The following DBN1 variants were observed in gnomAD, a reference collection of about 807,000 sequenced individuals.
DBN1 encodes the protein drebrin 1, also known as drebrin.
A neutral mutation model predicts 83.5 loss-of-function variants in DBN1; 21 were observed. The observed-to-expected ratio is 0.25, with a 90% CI of 0.18 to 0.36. The LOEUF (loss-of-function observed/expected upper bound fraction) is 0.36. DBN1 is among the 10% of genes least tolerant of loss of function. DBN1 has a pLI of 1.00. For missense variants in DBN1, 874 were observed against 935.7 expected, an observed-to-expected ratio of 0.93 and a Z score of 0.86; for synonymous variants, 381 against 384.9, an observed-to-expected ratio of 0.99 and a Z score of 0.12.
In DBN1 at chr5:177,459,661, C is replaced by A; in HGVS notation, c.1035G>T (p.Arg345=). 6.3e-7 allele frequency: 1 copy of A among 1,588,970 alleles called. No homozygotes were observed. Among genetic ancestry groups the A allele is most frequent in the Non-Finnish European group, 8.6e-7 (1 of 1,168,006 alleles). Residue 345 remains arginine (R), a synonymous_variant, in exon 11 of 15, where the codon CGG becomes CGT. Transcript: ENST00000393565. ...GGCAGGTGATATAGGGAAAGGGAGT[C>A]CGTGGAGGGGAGGAGGAGGAAGAGG... ...SSSSSSSSPP[R]TPFPYITCHR... is the part of the protein sequence containing the mutation.
At chr5:177,458,756 G>A in intron 12 of DBN1, 49 bp from the exon 13 acceptor site, 1 of 1,433,636 alleles carries the variant, frequency 7.0e-7, no homozygotes, top group South Asian at 1.5e-5. Flanking sequence ...CCCTCGGGGA[G>A]GATGGAGACC....
chr5:177,470,745 C>G (rs1321467764), intron 1 of DBN1, among the ~76,000 whole-genome samples: 1 of 152,216 alleles, frequency 6.6e-6, no homozygotes, highest in African/African-American at 2.4e-5. Flanking sequence ...AGCAGCCTCT[C>G]CTGAGCTGCC....
At chr5:177,471,917 G>C (rs766274000) in intron 1 of DBN1, among the ~76,000 whole-genome samples, 10 of 152,032 alleles carry the variant, frequency 6.6e-5, no homozygotes, top group Non-Finnish European at 1.2e-4. Flanking sequence ...CACCCCTCCA[G>C]GCTGGAGGGC....
rs1425736653 is a variant in DBN1 at position 177,460,720 on chromosome 5, C to T, written c.772-17G>A. On this transcript the variant is annotated splice_polypyrimidine_tract_variant and intron_variant, in intron 8 of 14. Coordinates refer to ENST00000393565, the MANE Select transcript of DBN1 (RefSeq NM_001363541.2). ...ATGGTCACCCTAGAAACCAAAGGGACAGTGTCTGGTGCACCTACCCCCCAC... is the reference window on the plus strand; with the variant it reads ...ATGGTCACCCTAGAAACCAAAGGGATAGTGTCTGGTGCACCTACCCCCCAC... 6.2e-7 allele frequency: 1 copy of T among 1,612,940 alleles called. No individual in the cohort carries two copies. The highest frequency in any genetic ancestry group is 8.5e-7 in the Non-Finnish European group (1 of 1,179,554).
chr5:177,468,418 C>T (rs1757620065), intron 2 of DBN1, 198 bp from the exon 3 acceptor site: 1 of 597,372 alleles, frequency 1.7e-6, no homozygotes, highest in South Asian at 2.0e-5. Context: ...TTGCCTGTGA[C>T]TCCTGCAGGG....
At chr5:177,462,391 G>A (rs1479701524) in intron 8 of DBN1, 21 of 985,360 alleles carry the variant, frequency 2.1e-5, no homozygotes, top group Admixed American at 6.2e-5. Context: ...CTGCAGCGTG[G>A]CCACTGCTTC....
At chr5:177,469,743 A>G (rs1400436931) in intron 1 of DBN1, among the ~76,000 whole-genome samples, 2 of 152,224 alleles carry the variant, frequency 1.3e-5, no homozygotes. Context: ...ACCATTGCAC[A>G]GAAGGGAAGG....
intron 8 of DBN1, among the ~76,000 whole-genome samples, chr5:177,463,608 C>T (rs1445617556): frequency 1.3e-5 from 2 of 152,224 alleles, no homozygotes; most frequent in African/African-American, 4.8e-5. Flanking sequence ...CGCATATTCC[C>T]TTCCTTAGAG....
Position 177,467,782 on chromosome 5 carries a change from A to G in DBN1, c.291T>C (p.Ala97=), listed in dbSNP as rs1385021738. The change falls in exon 4 of 15, where the codon GCT becomes GCC. Residue 97 remains alanine, a synonymous_variant. Transcript: ENST00000393565. This position sits in a 1 kb window ranked among gnomAD's most constrained non-coding sequence, Gnocchi z 9.1. The part of the protein sequence containing the change: ...GEDVPDARKC[A]CASHVAKVAE... ...CCACCTTAGCCACGTGGCTGGCACA[A>G]GCGCACTTGCGGGCATCAGGCACAT... The G allele has an allele frequency of 1.3e-6, 2 of 1,556,886 alleles. No homozygotes were observed. The highest frequency in any genetic ancestry group is 1.7e-6 in the Non-Finnish European group (2 of 1,150,294).
intron 8 of DBN1, among the ~76,000 whole-genome samples, chr5:177,461,224 A>C (rs954333293): frequency 2.8e-5 from 4 of 141,256 alleles, no homozygotes; most frequent in Admixed American, 2.2e-4. Flanking sequence ...TCAGCCTCCC[A>C]AGTAGCTGGG....
At chr5:177,468,452 G>GT (rs1026577203) in intron 2 of DBN1, 49 of 576,560 alleles carry the variant, frequency 8.5e-5, no homozygotes, top group African/African-American at 6.7e-4. Context: ...TAGGACTGAG[G>GT]AAGTGTTTGT....
In DBN1 at chr5:177,460,550, T is replaced by A. The variant is rs1306903534; in HGVS notation, c.837A>T (p.Ala279=). 6.2e-7 allele frequency: 1 copy of A among 1,614,038 alleles called. No individual in the cohort carries two copies. The highest frequency in any genetic ancestry group is 1.3e-5 in the African/African-American group (1 of 74,894). The change falls in exon 10 of 15, where the codon GCA becomes GCT. Residue 279 remains alanine (A), a synonymous_variant. Coordinates refer to ENST00000393565, the MANE Select transcript of DBN1 (RefSeq NM_001363541.2). ...CAGGCCGCTGGGCAATAATAGCTGC[T>A]GCCTCCTGAGGGCACGAGGAAAAGG... ...MKKSESEVEE[A]AAIIAQRPDN...
At chr5:177,469,442 A>G (rs928005612) in intron 1 of DBN1, among the ~76,000 whole-genome samples, 2 of 152,034 alleles carry the variant, frequency 1.3e-5, no homozygotes, top group African/African-American at 4.8e-5. Flanking sequence ...TTCTCCTTGA[A>G]CACAAAGGAC....
chr5:177,466,586 GCC>G lies in DBN1; in HGVS notation c.771+184_771+185del, dbSNP rs1757456184. 6.6e-6 allele frequency among the ~76,000 whole-genome samples: 1 copy of G among 152,140 alleles called. No homozygotes were observed. Among genetic ancestry groups the G allele is most frequent in the Non-Finnish European group, 1.5e-5 (1 of 68,012 alleles). On this transcript the variant is annotated intron_variant, in intron 8 of 14. Transcript: ENST00000393565. This position sits in a 1 kb window ranked among gnomAD's most constrained non-coding sequence, Gnocchi z 4.8. ...TTCTCCAAAGTAGTCTTTTTCCACG[GCC>G]AGAGGCCAGAGCCCCACGTGATGAG...
Position 177,457,251 on chromosome 5 carries a change from AAG to A in DBN1, c.*180_*181del. The A allele has an allele frequency of 3.2e-6, 2 of 617,148 alleles. No homozygotes were observed. Among genetic ancestry groups the A allele is most frequent in the South Asian group, 1.9e-5 (1 of 52,582 alleles). 38.2% of individuals were successfully genotyped at this position (617,148 alleles called of 1,614,324 possible). The stretch of plus-strand genomic sequence containing the variant: ...AAGTCTCCTATCAACTTTTTAAAAA[AAG>A]AGAAAAGCTGTAAAAGTCAGGCCCT... On this transcript the variant is annotated 3_prime_UTR_variant, in exon 15 of 15. Transcript: ENST00000393565.
chr5:177,472,798 G>T (rs758168857), intron 1 of DBN1: 50 of 986,334 alleles, frequency 5.1e-5, no homozygotes, highest in Non-Finnish European at 6.0e-5. Context: ...CGCGACCCGC[G>T]GCGGTAAGGG....
intron 8 of DBN1, among the ~76,000 whole-genome samples, chr5:177,465,193 T>A (rs2127399392): frequency 6.6e-6 from 1 of 152,226 alleles, no homozygotes; most frequent in South Asian, 2.1e-4. Flanking sequence ...AAAACCTCAC[T>A]CTGAAAGGAT....
intron 11 of DBN1, 134 bp from the exon 12 acceptor site, chr5:177,459,402 G>T: frequency 6.9e-7 from 1 of 1,442,068 alleles, no homozygotes. Flanking sequence ...CCCCACCAGG[G>T]GCCAGACTAC....
In DBN1 at chr5:177,467,032, G is replaced by A. The variant is rs1383672656; in HGVS notation, c.586C>T (p.Arg196Trp). 4.3e-6 allele frequency: 7 copies of A among 1,613,658 alleles called. No individual in the cohort carries two copies. The highest frequency in any genetic ancestry group is 1.6e-4 in the Middle Eastern group (1 of 6,078). Reference protein sequence around the residue: ...KEEELRKEEERKKALDERLRF... With the variant: ...KEEELRKEEEWKKALDERLRF... ...AGCCTCTCATCCAGGGCCTTCTTCC[G>A]CTCCTCCTCCTTCCGCAGCTCTTCT... is the stretch of plus-strand genomic sequence containing the variant. Residue 196 changes from arginine to tryptophan, a missense_variant, in exon 7 of 15, where the codon CGG becomes TGG. Around this residue, in one of 4 missense-constraint regions of DBN1, gnomAD observed 725 missense variants for 719.7 expected, o/e 1.01. Transcript: ENST00000393565. The surrounding 1 kb of genome is among the most constrained non-coding windows in gnomAD (Gnocchi z 9.1).
Sources: allele counts gnomAD v4.1 joint callset (sites outside exome capture counted in the v4.1 genomes callset), GRCh38; gene constraint gnomAD v4.1.1; regional missense constraint gnomAD v4.1.1; non-coding constraint Gnocchi (gnomAD v3.1); transcripts MANE v1.5; gene names NCBI Gene and HGNC (gene_info 2026-07-23, HGNC 2026-07-21).